The following NUMB variants were observed in gnomAD, a reference collection of about 807,000 sequenced individuals.
The protein encoded by NUMB is protein numb homolog.
NUMB carries 29 observed loss-of-function variants against 59.7 expected under a neutral mutation model. That is an observed-to-expected ratio of 0.49 (90% CI 0.36 to 0.66). The LOEUF is 0.66. Ranked by LOEUF, NUMB falls within the 30% of genes least tolerant of loss-of-function variation. The pLI, the probability that NUMB is intolerant of heterozygous loss-of-function variation, is 0.00. For missense variants in NUMB, 723 were observed against 822.0 expected (o/e 0.88, Z 1.47); for synonymous variants, 288 against 288.2 (o/e 1.00, Z 0.01).
chr14:73,331,560 T>G (rs567010602), intron 4 of NUMB, among the ~76,000 whole-genome samples: 67 of 152,024 alleles, frequency 4.4e-4, no homozygotes, highest in Non-Finnish European at 4.7e-4. Context: ...AAAAAAAAAT[T>G]TTTTTTCTTC....
chr14:73,296,867 A>T (rs1889810953), intron 7 of NUMB, among the ~76,000 whole-genome samples: 1 of 152,080 alleles, frequency 6.6e-6, no homozygotes, highest in Non-Finnish European at 1.5e-5. Flanking sequence ...TACTAATAAT[A>T]CAAAAATTAG....
chr14:73,330,488 A>G (rs1301401315), intron 4 of NUMB, among the ~76,000 whole-genome samples: 1 of 152,144 alleles, frequency 6.6e-6, no homozygotes, highest in African/African-American at 2.4e-5. Context: ...CAAATCCTTG[A>G]TTTGCAGCTT....
chr14:73,432,310 A>G (rs1223058766), intron 1 of NUMB, among the ~76,000 whole-genome samples: 3 of 152,094 alleles, frequency 2.0e-5, no homozygotes, highest in Non-Finnish European at 4.4e-5. Flanking sequence ...TAAATAAGAC[A>G]GTGTAATATT....
chr14:73,308,142 G>A (rs1890569023), intron 6 of NUMB, among the ~76,000 whole-genome samples: 1 of 152,192 alleles, frequency 6.6e-6, no homozygotes, highest in Admixed American at 6.5e-5. Context: ...TACTGCAATG[G>A]TTCAGATAAG....
intron 1 of NUMB, among the ~76,000 whole-genome samples, chr14:73,418,344 G>A (rs988333552): frequency 2.6e-5 from 4 of 152,236 alleles, no homozygotes; most frequent in African/African-American, 7.2e-5. Flanking sequence ...TGGGGTATAG[G>A]AAATTGTTGT....
chr14:73,337,249 A>C (rs1347719247), intron 4 of NUMB, among the ~76,000 whole-genome samples: 1 of 150,898 alleles, frequency 6.6e-6, no homozygotes. Context: ...GGTGCCTCAC[A>C]CCTGTAATCC....
rs1889619547 is a variant in NUMB at position 73,294,407 on chromosome 14, T to C, written c.310-1533A>G. Among the ~76,000 whole-genome samples the C allele has an allele frequency of 2.0e-5, 3 of 152,080 alleles. No individual in the cohort carries two copies. In the South Asian group the frequency reaches 6.2e-4, roughly 31 times the overall value. ...AGTTTTTATATCCTTAGTTGGGCTA[T>C]TTGGAGTCTGCCTTGAATCTACATG... On this transcript the variant is annotated intron_variant, in intron 7 of 12. Coordinates refer to ENST00000555238, the MANE Select transcript of NUMB (RefSeq NM_001005743.2).
intron 1 of NUMB, among the ~76,000 whole-genome samples, chr14:73,440,044 A>G (rs59001925): frequency 0.033 from 4,971 of 152,192 alleles, 308 homozygotes; most frequent in African/African-American, 0.11. Flanking sequence ...CTTCCCTCAT[A>G]CAATGACCCC....
intron 1 of NUMB, among the ~76,000 whole-genome samples, chr14:73,454,241 AG>A (rs1884196885): frequency 6.6e-6 from 1 of 152,182 alleles, no homozygotes; most frequent in Non-Finnish European, 1.5e-5. Flanking sequence ...GAAAAAAATC[AG>A]AGTTCAGAAA....
Position 73,389,285 on chromosome 14 carries a change from AAAAAAAAACAAAAAC to A in NUMB, c.-101+20637_-101+20651del, listed in dbSNP as rs1209270923. Among the ~76,000 whole-genome samples, 10 of 94,854 alleles carry A rather than the reference AAAAAAAAACAAAAAC, an allele frequency of 1.1e-4. 1 individual carries two copies. The highest frequency in any genetic ancestry group is 6.2e-4 in the African/African-American group (9 of 14,456). 62.2% of individuals were successfully genotyped at this position (94,854 alleles called of 152,430 possible). ...GACTCCATCTCTCAAAAAAAAAAAA[AAAAAAAAACAAAAAC>A]AAAAACACTGGTCTCTGTTTTATAC... On this transcript the variant is annotated intron_variant, in intron 2 of 12. Transcript: ENST00000555238.
intron 5 of NUMB, among the ~76,000 whole-genome samples, chr14:73,317,908 A>G (rs1443817329): frequency 2.0e-5 from 3 of 152,328 alleles, no homozygotes; most frequent in Admixed American, 6.5e-5. Context: ...AATTGCATTG[A>G]AATCTGACTC....
intron 1 of NUMB, among the ~76,000 whole-genome samples, chr14:73,457,199 G>A (rs2140220875): frequency 6.6e-6 from 1 of 152,220 alleles, no homozygotes; most frequent in African/African-American, 2.4e-5. Context: ...TTTCTGATAA[G>A]TATTTACTTC....
At chr14:73,299,347 G>C (rs77593377) in intron 6 of NUMB, 1 of 152,028 alleles carries the variant, frequency 6.6e-6, no homozygotes, top group Non-Finnish European at 1.5e-5. Context: ...AGGTTAAGGA[G>C]ATTAGCCTTG....
At chr14:73,429,060 G>C (rs769482712) in intron 1 of NUMB, among the ~76,000 whole-genome samples, 3 of 151,946 alleles carry the variant, frequency 2.0e-5, no homozygotes, top group Non-Finnish European at 4.4e-5. Flanking sequence ...CCAATCCCTC[G>C]CAACCACTGG....
intron 2 of NUMB, among the ~76,000 whole-genome samples, chr14:73,406,093 T>TTTTA (rs71112752): frequency 0.15 from 6,468 of 44,050 alleles, 364 homozygotes; most frequent in African/African-American, 0.4. Flanking sequence ...CATATTTTTG[T>TTTTA]TTTTTTTTTT....
At chr14:73,287,044 C>T in intron 9 of NUMB, 66 bp downstream of exon 9, 1 of 1,477,508 alleles carries the variant, frequency 6.8e-7, no homozygotes, top group Non-Finnish European at 9.5e-7. Context: ...CCCCTGGTAG[C>T]TTCAAAATAA....
intron 2 of NUMB, among the ~76,000 whole-genome samples, chr14:73,391,825 G>A (rs1342174206): frequency 6.6e-6 from 1 of 152,194 alleles, no homozygotes; most frequent in Non-Finnish European, 1.5e-5. Flanking sequence ...TGTCCTAAGA[G>A]ATGAAAAGAC....
At chr14:73,442,917 T>C (rs932358333) in intron 1 of NUMB, among the ~76,000 whole-genome samples, 2 of 152,134 alleles carry the variant, frequency 1.3e-5, no homozygotes, top group Non-Finnish European at 2.9e-5. Context: ...ATCTGGAGTG[T>C]AGTGGTGCAA....
At chr14:73,406,970 TAG>T (rs1896701859) in intron 2 of NUMB, among the ~76,000 whole-genome samples, 1 of 151,976 alleles carries the variant, frequency 6.6e-6, no homozygotes, top group Non-Finnish European at 1.5e-5. Flanking sequence ...GCCTCCAGAG[TAG>T]CTGGGGTTAC....
Sources: allele counts gnomAD v4.1 joint callset (sites outside exome capture counted in the v4.1 genomes callset), GRCh38; gene constraint gnomAD v4.1.1; transcripts MANE v1.5; gene names NCBI Gene and HGNC (gene_info 2026-07-23, HGNC 2026-07-21).